The following MYO5B variants were observed in gnomAD, a reference collection of about 807,000 sequenced individuals.
MYO5B encodes the protein unconventional myosin-Vb.
MYO5B carries 143 observed loss-of-function variants against 229.3 expected under a neutral mutation model. The observed-to-expected ratio is 0.62, with a 90% CI of 0.54 to 0.72. MYO5B has a LOEUF of 0.72. MYO5B is among the 30% of genes least tolerant of loss of function. The pLI, the probability that MYO5B is intolerant of heterozygous loss-of-function variation, is 0.00. For synonymous variants in MYO5B, 918 were observed against 885.2 expected (o/e 1.04, Z -0.66); for missense variants, 2,321 against 2,331.0 (o/e 1.00, Z 0.09).
chr18:49,937,366 T>C lies in MYO5B; in HGVS notation c.1784A>G (p.Asp595Gly), dbSNP rs575724209. Residue 595 changes from aspartate to glycine, a missense_variant, in exon 15 of 40, where the codon GAC becomes GGC. Asp to Gly is a moderately conservative substitution (Grantham distance 94). Transcript: ENST00000285039. ...GGTGGTGGCAGGAACAGGGTCCTTG[T>C]CATCATGAAACAAGTCAGCCACTAG... ...FPLVADLFHD[D>G]KDPVPATTPG... 2 of 1,614,090 alleles carry C rather than the reference T, an allele frequency of 1.2e-6. No individual in the cohort carries two copies. The highest frequency in any genetic ancestry group is 1.3e-5 in the African/African-American group (1 of 75,022).
intron 17 of MYO5B, among the ~76,000 whole-genome samples, chr18:49,912,556 GT>G (rs972698291): frequency 8.5e-5 from 13 of 152,156 alleles, no homozygotes; most frequent in African/African-American, 2.4e-4. Context: ...CATGGGTGTG[GT>G]TTCCCCCATA....
rs2023834610 is a variant in MYO5B, at chr18:49,825,674, G to A, written c.*797C>T. ...ATATTTAGCTTATATACATTTTTGT[G>A]AAAGTTTTGTGGGACTTGGAAAGTG... is the stretch of plus-strand genomic sequence containing the variant. On this transcript the variant is annotated 3_prime_UTR_variant, in exon 40 of 40. Coordinates refer to ENST00000285039, the MANE Select transcript of MYO5B (RefSeq NM_001080467.3). 6.6e-6 allele frequency: 1 copy of A among 152,324 alleles called. No individual in the cohort carries two copies. Among genetic ancestry groups the A allele is most frequent in the Non-Finnish European group, 1.5e-5 (1 of 68,020 alleles). 9.4% of individuals were successfully genotyped at this position (152,324 alleles called of 1,614,324 possible).
In MYO5B at chr18:49,825,418, A is replaced by AG. The variant is rs1033960170; in HGVS notation, c.*1052_*1053insC. ...ACCTAAGCCATTTTATTCTCTTAAA[A>AG]AAAAAAAACCCAAACTTTTGTATAA... On this transcript the variant is annotated 3_prime_UTR_variant, in exon 40 of 40. Coordinates refer to ENST00000285039, the MANE Select transcript of MYO5B (RefSeq NM_001080467.3). The AG allele has an allele frequency of 6.6e-5, 10 of 152,090 alleles. No homozygotes were observed. Among genetic ancestry groups the AG allele is most frequent in the African/African-American group, 2.4e-4 (10 of 41,434 alleles). The allele number at this position is 152,090 out of a possible 1,614,324, so 9.4% of individuals were successfully genotyped here.
chr18:50,092,513 GT>G (rs2031468163), intron 1 of MYO5B, among the ~76,000 whole-genome samples: 1 of 151,986 alleles, frequency 6.6e-6, no homozygotes, highest in African/African-American at 2.4e-5. Flanking sequence ...TTAACAATCA[GT>G]TTTTTGTTTT....
chr18:50,117,737 C>T (rs2031988245), intron 1 of MYO5B, among the ~76,000 whole-genome samples: 1 of 152,184 alleles, frequency 6.6e-6, no homozygotes, highest in African/African-American at 2.4e-5. Context: ...AGCTTCCCAG[C>T]TTCGGCTCAC....
chr18:49,889,537 GT>G (rs1294152633), intron 22 of MYO5B, among the ~76,000 whole-genome samples: 2 of 152,214 alleles, frequency 1.3e-5, no homozygotes, highest in Non-Finnish European at 1.5e-5. Context: ...CTACTGGTAG[GT>G]TTTACAGCAG....
intron 21 of MYO5B, among the ~76,000 whole-genome samples, chr18:49,900,086 C>T (rs1665841873): frequency 6.6e-6 from 1 of 152,242 alleles, no homozygotes; most frequent in Non-Finnish European, 1.5e-5. Flanking sequence ...CTGGGGGAGC[C>T]AGCATGTACA....
chr18:50,151,043 C>T (rs923946465), intron 1 of MYO5B, among the ~76,000 whole-genome samples: 1 of 152,182 alleles, frequency 6.6e-6, no homozygotes, highest in South Asian at 2.1e-4. Flanking sequence ...CAGGAGCCTT[C>T]CTCTGTCCTC....
chr18:49,964,763 C>T (rs2025602961), intron 10 of MYO5B, among the ~76,000 whole-genome samples: 1 of 152,260 alleles, frequency 6.6e-6, no homozygotes, highest in East Asian at 1.9e-4. Flanking sequence ...ATGGACTTAC[C>T]TGAGCGCTTT....
chr18:50,023,030 T>C (rs1215883046), intron 4 of MYO5B, among the ~76,000 whole-genome samples: 1 of 152,102 alleles, frequency 6.6e-6, no homozygotes, highest in Non-Finnish European at 1.5e-5. Context: ...GAGGTGGAAT[T>C]TGCTGCTTTG....
At chr18:50,080,326 C>T (rs1052796129) in intron 1 of MYO5B, among the ~76,000 whole-genome samples, 2 of 152,022 alleles carry the variant, frequency 1.3e-5, no homozygotes, top group Admixed American at 6.6e-5. Context: ...CTGTGGGGTG[C>T]GGGGAGGTGC....
chr18:50,090,910 A>G (rs1599013706), intron 1 of MYO5B, among the ~76,000 whole-genome samples: 1 of 152,226 alleles, frequency 6.6e-6, no homozygotes, highest in East Asian at 1.9e-4. Context: ...TTCAGAATTC[A>G]CTTTTTCAGC....
intron 2 of MYO5B, among the ~76,000 whole-genome samples, chr18:50,042,541 T>C (rs7239518): frequency 0.16 from 24,153 of 152,206 alleles, 2,001 homozygotes; most frequent in South Asian, 0.23. Context: ...TTAACTATCA[T>C]GTAGACGATG....
intron 1 of MYO5B, among the ~76,000 whole-genome samples, chr18:50,117,312 T>C (rs902228367): frequency 6.6e-6 from 1 of 152,002 alleles, no homozygotes; most frequent in Non-Finnish European, 1.5e-5. Flanking sequence ...TTCCAAACTC[T>C]ATGGGTTTAT....
chr18:50,017,629 CA>C (rs1316033116), intron 4 of MYO5B, among the ~76,000 whole-genome samples: 48 of 152,170 alleles, frequency 3.2e-4, no homozygotes, highest in African/African-American at 1.2e-3. Flanking sequence ...TTTATGTGAG[CA>C]TGTGTTTTCC....
At chr18:49,883,818 G>A (rs1293992167) in intron 22 of MYO5B, among the ~76,000 whole-genome samples, 1 of 152,186 alleles carries the variant, frequency 6.6e-6, no homozygotes, top group Non-Finnish European at 1.5e-5. Context: ...CACATTGACA[G>A]TCAATTGATT....
rs533957873 is a variant in MYO5B, at chr18:49,937,290, G to C, written c.1860C>G (p.Pro620=). 6.2e-7 allele frequency: 1 copy of C among 1,614,114 alleles called. No individual in the cohort carries two copies. Among genetic ancestry groups the C allele is most frequent in the Non-Finnish European group, 8.5e-7 (1 of 1,180,000 alleles). The part of the protein sequence containing the change: ...SKISVRSARP[P]MKVSNKEHKK... The stretch of plus-strand genomic sequence containing the variant: ...TGTGCTCCTTGTTGGAGACTTTCAT[G>C]GGGGGTCTGGCAGAACGGACGCTGA... Residue 620 remains proline, a synonymous_variant, in exon 15 of 40, where the codon CCC becomes CCG. Transcript: ENST00000285039.
At chr18:49,991,044 T>A (rs1178034069) in intron 6 of MYO5B, among the ~76,000 whole-genome samples, 1 of 121,218 alleles carries the variant, frequency 8.2e-6, no homozygotes, top group Non-Finnish European at 1.7e-5. Context: ...GGTGTGGGGG[T>A]GGGGATTCAG....
At chr18:49,934,757 A>T (rs1787324) in intron 16 of MYO5B, among the ~76,000 whole-genome samples, 80,592 of 152,054 alleles carry the variant, frequency 0.53, 21,733 homozygotes, top group Middle Eastern at 0.71. Flanking sequence ...GCACACTGCA[A>T]AGAAAACTGG....
Sources: allele counts gnomAD v4.1 joint callset (sites outside exome capture counted in the v4.1 genomes callset), GRCh38; gene constraint gnomAD v4.1.1; transcripts MANE v1.5; gene names NCBI Gene and HGNC (gene_info 2026-07-23, HGNC 2026-07-21).